Variants in RBPMS observed in about 807,000 individuals in gnomAD.
RBPMS encodes RNA binding protein, mRNA processing factor, also known as RNA-binding protein with multiple splicing.
Under a neutral mutation model 26.8 loss-of-function variants are expected in RBPMS, and 7 were observed. The ratio of observed to expected loss-of-function variants is 0.26; its 90% CI spans 0.15 to 0.49. The LOEUF is 0.49. Among genes scored for constraint, RBPMS ranks in the 20% least tolerant of loss-of-function variants. The pLI is 0.98. For synonymous variants in RBPMS, 96 were observed against 93.3 expected (o/e 1.03, Z -0.17); for missense variants, 186 against 250.0 (o/e 0.74, Z 1.73).
chr8:30,537,241 C>T (rs1243735010), intron 5 of RBPMS, among the ~76,000 whole-genome samples: 4 of 152,114 alleles, frequency 2.6e-5, no homozygotes, highest in Non-Finnish European at 4.4e-5. Flanking sequence ...TTCTTAGCCT[C>T]GAAGAAGTGG....
At chr8:30,499,500 T>TA (rs1820331199) in intron 4 of RBPMS, among the ~76,000 whole-genome samples, 1 of 152,104 alleles carries the variant, frequency 6.6e-6, no homozygotes, top group Non-Finnish European at 1.5e-5. Context: ...ATATCACTCG[T>TA]AATGGGACAA....
chr8:30,428,363 G>A (rs1811587002), intron 1 of RBPMS, among the ~76,000 whole-genome samples: 1 of 152,036 alleles, frequency 6.6e-6, no homozygotes, highest in Non-Finnish European at 1.5e-5. Flanking sequence ...GACAGAGGTG[G>A]GAGGATCGCT....
rs562694894 is a variant in RBPMS, at chr8:30,438,971, T to G, written c.67-35808T>G. On this transcript the variant is annotated intron_variant, in intron 1 of 8. Coordinates refer to ENST00000397323, the MANE Select transcript of RBPMS (RefSeq NM_001008710.3). ...GTATTTTTAGAAATAGAGATGGGGTTTCACCATGCTGTCCAGGCTAGTCTC... is the reference window on the plus strand; with the variant it reads ...GTATTTTTAGAAATAGAGATGGGGTGTCACCATGCTGTCCAGGCTAGTCTC... Among the ~76,000 whole-genome samples the G allele has an allele frequency of 3.3e-5, 5 of 152,260 alleles. No homozygotes were observed. In the East Asian group the frequency reaches 9.7e-4, roughly 29 times the overall value.
chr8:30,501,907 C>T (rs538225889), intron 4 of RBPMS, among the ~76,000 whole-genome samples: 3 of 152,172 alleles, frequency 2.0e-5, no homozygotes, highest in South Asian at 2.1e-4. Context: ...TTTCCCTCTT[C>T]GTTTCTGTGT....
intron 1 of RBPMS, among the ~76,000 whole-genome samples, chr8:30,393,760 C>G (rs2150553373): frequency 6.6e-6 from 1 of 152,212 alleles, no homozygotes; most frequent in East Asian, 1.9e-4. Context: ...CTCAGGTGAT[C>G]CACCCGCCTC....
intron 1 of RBPMS, among the ~76,000 whole-genome samples, chr8:30,467,415 C>T (rs925403452): frequency 6.6e-6 from 1 of 152,272 alleles, no homozygotes; most frequent in South Asian, 2.1e-4. Context: ...TAGCTGTATG[C>T]GATTTATGCT....
At chr8:30,542,567 G>A (rs1053453035) in intron 5 of RBPMS, among the ~76,000 whole-genome samples, 9 of 152,226 alleles carry the variant, frequency 5.9e-5, no homozygotes, top group Non-Finnish European at 8.8e-5. Flanking sequence ...TCAGTTGTAT[G>A]TATCAGTTTT....
Position 30,469,385 on chromosome 8 carries a change from C to T in RBPMS, c.67-5394C>T, listed in dbSNP as rs1816846820. 2.0e-5 allele frequency among the ~76,000 whole-genome samples: 3 copies of T among 152,332 alleles called. No individual in the cohort carries two copies. In the South Asian group the frequency reaches 6.2e-4, roughly 32 times the overall value. On this transcript the variant is annotated intron_variant, in intron 1 of 8. Coordinates refer to ENST00000397323, the MANE Select transcript of RBPMS (RefSeq NM_001008710.3). ...GCAATGCCATTTAAGAACACGTGGC[C>T]AGTTTATCCAAAATCTAACTGTAGC...
intron 1 of RBPMS, among the ~76,000 whole-genome samples, chr8:30,426,714 G>A (rs1184965133): frequency 6.6e-6 from 1 of 150,908 alleles, no homozygotes; most frequent in African/African-American, 2.4e-5. Context: ...ATGTCTTGGG[G>A]TTTCTCCAGG....
At chr8:30,470,018 C>T (rs1816910833) in intron 1 of RBPMS, among the ~76,000 whole-genome samples, 1 of 152,014 alleles carries the variant, frequency 6.6e-6, no homozygotes, top group African/African-American at 2.4e-5. Flanking sequence ...TCTGAAGTGC[C>T]CTCCCTTTAG....
chr8:30,449,888 C>T (rs1814341074), intron 1 of RBPMS, among the ~76,000 whole-genome samples: 1 of 152,194 alleles, frequency 6.6e-6, no homozygotes, highest in South Asian at 2.1e-4. Flanking sequence ...CCAGATTCTA[C>T]AGTTTTATAG....
chr8:30,511,509 A>G (rs1304470880), intron 5 of RBPMS, among the ~76,000 whole-genome samples: 1 of 7,162 alleles, frequency 1.4e-4, no homozygotes, highest in Non-Finnish European at 6.2e-4. Flanking sequence ...ATATATATAT[A>G]TATATATATA....
intron 5 of RBPMS, among the ~76,000 whole-genome samples, chr8:30,508,472 A>AT (rs1327304401): frequency 1.3e-5 from 2 of 152,188 alleles, no homozygotes; most frequent in Admixed American, 1.3e-4. Flanking sequence ...AGCGGCAATA[A>AT]TTAGGGCCAC....
At position 30,496,326 on chromosome 8, in the gene RBPMS, G is replaced by A. The variant is rs541447627; in HGVS notation, c.247-7960G>A. On this transcript the variant is annotated intron_variant, in intron 4 of 8. Coordinates refer to ENST00000397323, the MANE Select transcript of RBPMS (RefSeq NM_001008710.3). ...TGGGACTACAGGCGTCCGCCACCAC[G>A]CCCGGCTAATTTTTTGTATTTTTAG... 2.0e-4 allele frequency among the ~76,000 whole-genome samples: 31 copies of A among 152,092 alleles called. No individual in the cohort carries two copies. In the South Asian group the frequency reaches 4.8e-3, roughly 23 times the overall value.
At chr8:30,497,372 G>A (rs1461333957) in intron 4 of RBPMS, among the ~76,000 whole-genome samples, 8 of 151,928 alleles carry the variant, frequency 5.3e-5, no homozygotes, top group East Asian at 1.9e-4. Flanking sequence ...GTGAAATCCC[G>A]TCTCTACTAG....
intron 4 of RBPMS, among the ~76,000 whole-genome samples, chr8:30,500,902 C>T (rs1053047127): frequency 7.9e-5 from 12 of 152,256 alleles, no homozygotes; most frequent in Admixed American, 7.8e-4. Flanking sequence ...GGTTTCATAT[C>T]TGATCTGTTC....
At chr8:30,436,376 A>C (rs1812449131) in intron 1 of RBPMS, among the ~76,000 whole-genome samples, 1 of 152,026 alleles carries the variant, frequency 6.6e-6, no homozygotes, top group African/African-American at 2.4e-5. Context: ...TAATTAACCT[A>C]CTTCTCTAAA....
chr8:30,563,617 T>C (rs1043783670), intron 7 of RBPMS, among the ~76,000 whole-genome samples: 1 of 152,108 alleles, frequency 6.6e-6, no homozygotes, highest in Non-Finnish European at 1.5e-5. Context: ...GAGAAGGAAA[T>C]GCAAGAGAGA....
intron 3 of RBPMS, among the ~76,000 whole-genome samples, chr8:30,478,593 A>G (rs1337355759): frequency 1.3e-5 from 2 of 148,230 alleles, no homozygotes; most frequent in East Asian, 4.0e-4. Context: ...TCCGCCTCCC[A>G]GGTTCAAGTG....
Sources: allele counts gnomAD v4.1 joint callset (sites outside exome capture counted in the v4.1 genomes callset), GRCh38; gene constraint gnomAD v4.1.1; transcripts MANE v1.5; gene names NCBI Gene and HGNC (gene_info 2026-07-23, HGNC 2026-07-21).